Variants in PPP2R3B observed in about 807,000 individuals in gnomAD.
PPP2R3B encodes serine/threonine-protein phosphatase 2A regulatory subunit B'' subunit beta.
Under a neutral mutation model 72.9 loss-of-function variants are expected in PPP2R3B, and 68 were observed. The ratio of observed to expected loss-of-function variants is 0.93; its 90% CI spans 0.77 to 1.14. The LOEUF (loss-of-function observed/expected upper bound fraction) is 1.14, where lower values mean the gene tolerates loss of function less well. Ranked by LOEUF, PPP2R3B falls within the 50% of genes most tolerant of loss-of-function variation. The pLI is 0.00. For synonymous variants in PPP2R3B, 466 were observed against 375.8 expected (o/e 1.24, Z -2.78); for missense variants, 1,018 against 842.0 (o/e 1.21, Z -2.59).
chrX:366,790 G>C (rs2071720229), intron 1 of PPP2R3B, among the ~76,000 whole-genome samples: 1 of 115,402 alleles, frequency 8.7e-6, no homozygotes, highest in African/African-American at 3.4e-5. Flanking sequence ...TTCAACACAG[G>C]AGGCAGAGGT....
chrX:385,159 T>C (rs1000552783), intron 1 of PPP2R3B, among the ~76,000 whole-genome samples: 1 of 151,398 alleles, frequency 6.6e-6, no homozygotes, highest in African/African-American at 2.4e-5. Context: ...AACTCGGGAG[T>C]AGGTAACATG....
Position 347,701 on chromosome X carries a change from A to AGAGAGGGCAG in PPP2R3B, c.511-18_511-9dup. On this transcript the variant is annotated splice_polypyrimidine_tract_variant and intron_variant, in intron 2 of 12. Transcript: ENST00000390665. ...GAGGGGGCAGCCGCAGGCCTGGGGCAGAGAGGGCAGGAGTGGGCAGTCAGC... is the reference window on the plus strand; with the variant it reads ...GAGGGGGCAGCCGCAGGCCTGGGGCAGAGAGGGCAGGAGAGGGCAGGAGTGGGCAGTCAGC... 6.5e-7 allele frequency: 1 copy of AGAGAGGGCAG among 1,529,090 alleles called. No homozygotes were observed. Among genetic ancestry groups the AGAGAGGGCAG allele is most frequent in the Non-Finnish European group, 8.8e-7 (1 of 1,140,474 alleles). The allele number at this position is 1,529,090 out of a possible 1,614,324, so 94.7% of individuals were successfully genotyped here.
chrX:363,632 A>G (rs1214869112), intron 1 of PPP2R3B, among the ~76,000 whole-genome samples: 53 of 72,068 alleles, frequency 7.4e-4, no homozygotes, highest in African/African-American at 1.6e-3. Context: ...CCCCGAGCCC[A>G]CCATCCCACA....
chrX:382,408 G>A (rs1314142987), intron 1 of PPP2R3B, among the ~76,000 whole-genome samples: 1 of 151,916 alleles, frequency 6.6e-6, no homozygotes, highest in African/African-American at 2.4e-5. Context: ...ATGTTGGCCA[G>A]GTTGATCTCG....
intron 1 of PPP2R3B, among the ~76,000 whole-genome samples, chrX:362,085 G>C (rs1428561946): frequency 6.6e-6 from 1 of 152,112 alleles, no homozygotes; most frequent in Non-Finnish European, 1.5e-5. Flanking sequence ...CTGAGAGGCA[G>C]AGGCAGGGCA....
In PPP2R3B at chrX:347,278, C is replaced by T. The variant is rs779520864; in HGVS notation, c.673G>A (p.Gly225Ser). The T allele has an allele frequency of 1.1e-5, 18 of 1,613,666 alleles. No homozygotes were observed. Among genetic ancestry groups the T allele is most frequent in the East Asian group, 2.2e-5 (1 of 44,890 alleles). The change falls in exon 4 of 13, where the codon GGC becomes AGC. Residue 225 changes from glycine (G) to serine (S), a missense_variant. Physicochemically the swap from Gly to Ser is moderately conservative, Grantham distance 56 (BLOSUM62 0). Transcript: ENST00000390665. ...AKFVHLLMSP[G>S]CNYLVQEDFV... ...TCCTCCTGCACCAGGTAGTTGCAGC[C>T]GGGGCTCATGAGCAGATGGACGAAC...
intron 1 of PPP2R3B, chrX:373,620 T>C: frequency 3.4e-6 from 1 of 291,350 alleles, no homozygotes; most frequent in South Asian, 2.7e-5. Context: ...CTGGCGCAGG[T>C]CGGGGTCCTG....
At chrX:372,415 G>C (rs755243993) in intron 1 of PPP2R3B, among the ~76,000 whole-genome samples, 2 of 152,308 alleles carry the variant, frequency 1.3e-5, no homozygotes, top group South Asian at 4.1e-4. Flanking sequence ...CAGACTCCTG[G>C]AACTGAGTTT....
rs759417930 is a variant in PPP2R3B, at chrX:345,653, T to G, written c.899A>C (p.Glu300Ala). Residue 300 changes from glutamate to alanine, a missense_variant, in exon 7 of 13, where the codon GAG (glutamate) becomes GCG (alanine). Glu to Ala is a moderately radical substitution (Grantham distance 107). Transcript: ENST00000390665. ...SFLQNVALLE[E>A]EADINQLTEF... ...GGTCAGCTGGTTGATGTCCGCCTCC[T>G]CCTCCAGCAGCGCCACATTCTGCCA... is the stretch of plus-strand genomic sequence containing the variant. The G allele has an allele frequency of 6.2e-7, 1 of 1,612,506 alleles. No homozygotes were observed. Among genetic ancestry groups the G allele is most frequent in the Non-Finnish European group, 8.5e-7 (1 of 1,179,366 alleles).
At chrX:345,425 CG>C (rs774780516) in intron 7 of PPP2R3B, 90 bp downstream of exon 7, 1 of 1,533,546 alleles carries the variant, frequency 6.5e-7, no homozygotes, top group South Asian at 1.1e-5. Flanking sequence ...GCTGGGAGTG[CG>C]GAAGGAGAGG....
At chrX:361,170 C>T (rs929866556) in intron 2 of PPP2R3B, among the ~76,000 whole-genome samples, 6 of 152,224 alleles carry the variant, frequency 3.9e-5, no homozygotes, top group African/African-American at 7.2e-5. Context: ...AATTCCCACT[C>T]GCATTTCAGA....
At chrX:350,116 C>T (rs940981510) in intron 2 of PPP2R3B, among the ~76,000 whole-genome samples, 2 of 152,206 alleles carry the variant, frequency 1.3e-5, no homozygotes, top group African/African-American at 2.4e-5. Context: ...CCTGTAAAGT[C>T]AGAGTAATGA....
intron 2 of PPP2R3B, among the ~76,000 whole-genome samples, chrX:348,707 A>C (rs2071273165): frequency 1.3e-5 from 2 of 152,174 alleles, no homozygotes; most frequent in African/African-American, 4.8e-5. Context: ...CCCGATGAAC[A>C]AGTCAAAAAA....
chrX:342,128 G>C (rs2071093286), intron 7 of PPP2R3B, 197 bp from the exon 8 acceptor site: 10 of 652,558 alleles, frequency 1.5e-5, no homozygotes, highest in Admixed American at 2.6e-5. Context: ...GCAGAGCCAA[G>C]TCCAGCATGA....
chrX:360,448 C>A (rs2071516682), intron 2 of PPP2R3B, among the ~76,000 whole-genome samples: 1 of 152,188 alleles, frequency 6.6e-6, no homozygotes, highest in Non-Finnish European at 1.5e-5. Flanking sequence ...GCAGGAGAAT[C>A]ACTTGAACCC....
chrX:346,268 G>T lies in PPP2R3B; in HGVS notation c.793-8C>A. On this transcript the variant is annotated splice_polypyrimidine_tract_variant and splice_region_variant and intron_variant, in intron 5 of 12. Coordinates refer to ENST00000390665, the MANE Select transcript of PPP2R3B (RefSeq NM_013239.5). ...GAAGATCCGCTGGATGACCTGCGGG[G>T]GCGCTGTCAGTGCGGTGGGTGCGCA... 1 of 1,560,908 alleles carries T rather than the reference G, an allele frequency of 6.4e-7. No homozygotes were observed.
At chrX:336,249 T>C (rs978250858) in intron 12 of PPP2R3B, 4 of 152,120 alleles carry the variant, frequency 2.6e-5, no homozygotes, top group African/African-American at 9.7e-5. Flanking sequence ...CTCGGCAAGA[T>C]CTATCCTGGG....
intron 4 of PPP2R3B, 149 bp from the exon 5 acceptor site, chrX:346,924 T>G (rs1212750456): frequency 1.3e-6 from 1 of 775,120 alleles, no homozygotes. Context: ...AGGCGTATGG[T>G]GTAGACGCCG....
At chrX:377,641 C>T (rs1387045659) in intron 1 of PPP2R3B, among the ~76,000 whole-genome samples, 1 of 139,626 alleles carries the variant, frequency 7.2e-6, no homozygotes, top group African/African-American at 2.7e-5. Context: ...TGTCTATACA[C>T]TACTGTATGC....
Sources: allele counts gnomAD v4.1 joint callset (sites outside exome capture counted in the v4.1 genomes callset), GRCh38; gene constraint gnomAD v4.1.1; transcripts MANE v1.5; gene names NCBI Gene and HGNC (gene_info 2026-07-23, HGNC 2026-07-21).